ADCY7: variants seen among roughly 807,000 people sequenced by gnomAD.
ADCY7 encodes adenylate cyclase 7, also known as adenylate cyclase type 7.
Under a neutral mutation model 120.6 loss-of-function variants are expected in ADCY7, and 72 were observed. The observed-to-expected ratio is 0.60, with a 90% CI of 0.49 to 0.73. ADCY7 has a LOEUF of 0.73. Among genes scored for constraint, ADCY7 ranks in the 30% least tolerant of loss-of-function variants. ADCY7 has a pLI of 0.00. For synonymous variants in ADCY7, 661 were observed against 628.0 expected (o/e 1.05, Z -0.78); for missense variants, 1,227 against 1,486.0 (o/e 0.83, Z 2.87).
intron 17 of ADCY7, chr16:50,309,016 T>C: frequency 2.1e-6 from 1 of 476,684 alleles, no homozygotes; most frequent in Non-Finnish European, 3.6e-6. Flanking sequence ...TCCAGGAGGA[T>C]GTGATGCCTT....
intron 1 of ADCY7, among the ~76,000 whole-genome samples, chr16:50,284,902 G>C (rs1338012300): frequency 6.6e-6 from 1 of 152,252 alleles, no homozygotes; most frequent in Non-Finnish European, 1.5e-5. Flanking sequence ...GTGTGCAGGT[G>C]CCGGGGGTGA....
chr16:50,258,890 C>T (rs1219717986), intron 1 of ADCY7, among the ~76,000 whole-genome samples: 3 of 152,116 alleles, frequency 2.0e-5, no homozygotes, highest in African/African-American at 7.2e-5. Flanking sequence ...GCCACCACGC[C>T]CAACCCTTAA....
At chr16:50,295,013 G>A (rs1213035762) in intron 7 of ADCY7, among the ~76,000 whole-genome samples, 1 of 152,182 alleles carries the variant, frequency 6.6e-6, no homozygotes, top group Admixed American at 6.5e-5. Flanking sequence ...GGGCTCTGGA[G>A]CTCAGATGGG....
chr16:50,246,831 G>A (rs1039298780), intron 1 of ADCY7, among the ~76,000 whole-genome samples: 1 of 152,238 alleles, frequency 6.6e-6, no homozygotes, highest in African/African-American at 2.4e-5. Context: ...GAGAGAGGCT[G>A]GAGCCTCTCC....
At chr16:50,307,531 C>T (rs2036150069) in intron 15 of ADCY7, among the ~76,000 whole-genome samples, 1 of 151,986 alleles carries the variant, frequency 6.6e-6, no homozygotes, top group Admixed American at 6.6e-5. Context: ...AATGATTTAT[C>T]CAAAACTCAC....
Position 50,316,403 on chromosome 16 carries a change from T to A in ADCY7, c.*898T>A, listed in dbSNP as rs929884346. On this transcript the variant is annotated 3_prime_UTR_variant, in exon 26 of 26. Transcript: ENST00000673801. ...TGCGGCCTTTCACCTCTTCCTTGAT[T>A]ACTCACACATCTTTGCGTTCTCCCC... 7.2e-5 allele frequency: 11 copies of A among 152,376 alleles called. No homozygotes were observed. Among genetic ancestry groups the A allele is most frequent in the African/African-American group, 2.7e-4 (11 of 41,456 alleles). The allele number at this position is 152,376 out of a possible 1,614,324, so 9.4% of individuals were successfully genotyped here.
At chr16:50,312,850 A>G in intron 21 of ADCY7, 40 bp from the exon 22 acceptor site, 1 of 1,525,662 alleles carries the variant, frequency 6.6e-7, no homozygotes. Context: ...TGTCCCCTCA[A>G]GAGGTGAAGT....
intron 1 of ADCY7, among the ~76,000 whole-genome samples, chr16:50,250,127 A>G (rs2032710856): frequency 6.6e-6 from 1 of 152,082 alleles, no homozygotes; most frequent in African/African-American, 2.4e-5. Context: ...CAAGGATTTA[A>G]CCTCCAGGTT....
chr16:50,294,658 C>T lies in ADCY7; in HGVS notation c.855C>T (p.Ile285=), dbSNP rs957536547. Residue 285 remains isoleucine (I), a synonymous_variant, in exon 7 of 26, where the codon ATC becomes ATT. Transcript: ENST00000673801. ...TCCCCAGCATCCTCTATGCGGACAT[C>T]GTGGGCTTCACGCAGCTGGCCAGCG... ...HQNVSILYAD[I]VGFTQLASDC... 2.7e-6 allele frequency: 4 copies of T among 1,476,958 alleles called. No homozygotes were observed. The highest frequency in any genetic ancestry group is 2.3e-5 in the East Asian group (1 of 43,122). 91.5% of individuals were successfully genotyped at this position (1,476,958 alleles called of 1,614,324 possible).
At chr16:50,309,446 G>A in intron 17 of ADCY7, 102 bp from the exon 18 acceptor site, 1 of 920,454 alleles carries the variant, frequency 1.1e-6, no homozygotes, top group Non-Finnish European at 1.7e-6. Context: ...TGAAACCTCA[G>A]GCTGCTGTGA....
intron 1 of ADCY7, among the ~76,000 whole-genome samples, chr16:50,267,026 T>A (rs1410305694): frequency 2.6e-5 from 4 of 152,230 alleles, no homozygotes; most frequent in Non-Finnish European, 5.9e-5. Context: ...GGTGTAATTT[T>A]ACATTTACAA....
intron 8 of ADCY7, among the ~76,000 whole-genome samples, chr16:50,299,401 T>G (rs1353846842): frequency 1.3e-5 from 2 of 152,236 alleles, no homozygotes; most frequent in African/African-American, 2.4e-5. Context: ...AGGCTCCATC[T>G]GCTTCCTGCT....
chr16:50,244,799 C>G (rs528489559), upstream of ADCY7, among the ~76,000 whole-genome samples: 124 of 152,312 alleles, frequency 8.1e-4, 2 homozygotes, highest in African/African-American at 2.4e-3. Context: ...CCAGGGCCCT[C>G]CACGGGGAGG....
rs2035056182 is a variant in ADCY7, at chr16:50,292,553, TTC to T, written c.538-120_538-119del. The T allele has an allele frequency of 2.4e-6, 3 of 1,256,824 alleles. No individual in the cohort carries two copies. In the East Asian group the frequency reaches 7.1e-5, roughly 30 times the overall value. 77.9% of individuals were successfully genotyped at this position (1,256,824 alleles called of 1,614,324 possible). On this transcript the variant is annotated intron_variant, in intron 4 of 25. Coordinates refer to ENST00000673801, the MANE Select transcript of ADCY7 (RefSeq NM_001114.5). ...CCTGTCTGCCCCAGGAAGAGTGCCA[TTC>T]TCAGTGGGTTGAAGGTCAGGGAATG...
intron 10 of ADCY7, chr16:50,301,957 ACT>A (rs2035751312): frequency 6.6e-6 from 1 of 152,468 alleles, no homozygotes; most frequent in Admixed American, 6.5e-5. Context: ...TGCTGGCCTC[ACT>A]CTGCCCCCAG....
rs1596978499 is a variant in ADCY7, at chr16:50,308,380, T to G, written c.1904T>G (p.Val635Gly). ...CTGGTGGCCTGTGTACTGGGGCTGG[T>G]GCTGGGCCTGTGCTTTGCCACCAAG... ...FGLVACVLGLVLGLCFATKFS... is the reference protein window; with the variant it reads ...FGLVACVLGLGLGLCFATKFS... The change falls in exon 16 of 26, where the codon GTG becomes GGG. Residue 635 changes from valine to glycine, a missense_variant. Val to Gly is a moderately radical substitution (Grantham distance 109). Transcript: ENST00000673801. 1 of 1,614,118 alleles carries G rather than the reference T, an allele frequency of 6.2e-7. No homozygotes were observed. The highest frequency in any genetic ancestry group is 1.3e-5 in the African/African-American group (1 of 75,022).
chr16:50,257,805 C>T (rs184930668), intron 1 of ADCY7, among the ~76,000 whole-genome samples: 10 of 151,094 alleles, frequency 6.6e-5, no homozygotes, highest in African/African-American at 2.2e-4. Flanking sequence ...TGCAGTGATG[C>T]GATTTCGGTC....
intron 15 of ADCY7, 125 bp from the exon 16 acceptor site, chr16:50,308,202 C>T: frequency 6.5e-7 from 1 of 1,543,916 alleles, no homozygotes; most frequent in Non-Finnish European, 8.9e-7. Flanking sequence ...TTCACAGGTC[C>T]CCTTTGCTGT....
At chr16:50,308,201 C>T (rs1055026917) in intron 15 of ADCY7, 126 bp from the exon 16 acceptor site, 120 of 1,537,830 alleles carry the variant, frequency 7.8e-5, no homozygotes, top group Non-Finnish European at 1.1e-4. Context: ...TTTCACAGGT[C>T]CCCTTTGCTG....
Sources: allele counts gnomAD v4.1 joint callset (sites outside exome capture counted in the v4.1 genomes callset), GRCh38; gene constraint gnomAD v4.1.1; transcripts MANE v1.5; gene names NCBI Gene and HGNC (gene_info 2026-07-23, HGNC 2026-07-21).